The following NEDD4 variants were observed in gnomAD, a reference collection of about 807,000 sequenced individuals.
NEDD4 encodes the protein NEDD4 E3 ubiquitin protein ligase, also known as E3 ubiquitin-protein ligase NEDD4.
Under a neutral mutation model 144.9 loss-of-function variants are expected in NEDD4, and 99 were observed. That is an observed-to-expected ratio of 0.68 (90% confidence interval 0.58 to 0.81). The LOEUF (loss-of-function observed/expected upper bound fraction) is 0.81, where lower values mean the gene tolerates loss of function less well. Ranked by LOEUF, NEDD4 falls within the 30% of genes least tolerant of loss-of-function variation. The probability of loss-of-function intolerance (pLI) is 0.00; values close to 1 mark genes in which losing one functional copy is unlikely to be tolerated. For synonymous variants in NEDD4, 318 were observed against 350.6 expected, an observed-to-expected ratio of 0.91 and a Z score of 1.04; for missense variants, 985 against 1,065.9, an observed-to-expected ratio of 0.92 and a Z score of 1.06.
At chr15:55,884,657 T>C (rs1566932024) in intron 5 of NEDD4, among the ~76,000 whole-genome samples, 1 of 151,930 alleles carries the variant, frequency 6.6e-6, no homozygotes, top group Non-Finnish European at 1.5e-5. Flanking sequence ...GCAACTGATA[T>C]ATTGAGTAAT....
At chr15:55,941,310 T>A (rs1410918328) in intron 4 of NEDD4, among the ~76,000 whole-genome samples, 6 of 152,208 alleles carry the variant, frequency 3.9e-5, no homozygotes, top group African/African-American at 1.4e-4. Flanking sequence ...TTTGAATATT[T>A]CTTCATTTAT....
intron 13 of NEDD4, among the ~76,000 whole-genome samples, chr15:55,851,665 T>C (rs551886427): frequency 4.1e-4 from 63 of 152,016 alleles, no homozygotes; most frequent in Middle Eastern, 3.4e-3. Context: ...TTGGTAGAGA[T>C]GGGGTTTCTC....
chr15:55,841,142 C>T (rs1202260638), intron 19 of NEDD4, among the ~76,000 whole-genome samples: 1 of 152,184 alleles, frequency 6.6e-6, no homozygotes, highest in African/African-American at 2.4e-5. Context: ...CTATGTTGGT[C>T]AGGCTGGTCT....
At chr15:55,966,819 T>C (rs528460893) in intron 1 of NEDD4, among the ~76,000 whole-genome samples, 1 of 152,316 alleles carries the variant, frequency 6.6e-6, no homozygotes, top group African/African-American at 2.4e-5. Context: ...AAAGCCAAAG[T>C]ATTGCAACTA....
intron 1 of NEDD4, among the ~76,000 whole-genome samples, chr15:55,979,336 CCTCTTTTT>C (rs1439309849): frequency 1.7e-4 from 13 of 76,336 alleles, no homozygotes; most frequent in Non-Finnish European, 2.2e-4. Context: ...AAAGTTTTTA[CCTCTTTTT>C]TTTTTTTTTT....
chr15:55,918,113 T>C (rs1409899577), intron 5 of NEDD4, among the ~76,000 whole-genome samples: 3 of 152,160 alleles, frequency 2.0e-5, no homozygotes, highest in Admixed American at 2.0e-4. Context: ...ACGAAGTACA[T>C]ACTTGTTTAC....
chr15:55,941,492 T>C (rs1450148413), intron 4 of NEDD4, among the ~76,000 whole-genome samples: 1 of 152,176 alleles, frequency 6.6e-6, no homozygotes, highest in African/African-American at 2.4e-5. Flanking sequence ...TTCTAAACAT[T>C]TGTGATATAC....
intron 4 of NEDD4, among the ~76,000 whole-genome samples, chr15:55,940,449 C>T (rs1050024367): frequency 7.0e-6 from 1 of 143,066 alleles, no homozygotes; most frequent in Non-Finnish European, 1.6e-5. Context: ...TTATTTTTCT[C>T]ATTAACATCT....
intron 1 of NEDD4, among the ~76,000 whole-genome samples, chr15:55,986,580 C>CT (rs58470215): frequency 0.025 from 1,925 of 76,216 alleles, 13 homozygotes; most frequent in African/African-American, 0.046. Flanking sequence ...CCTGTCCTTG[C>CT]TTTTTTTTTT....
At chr15:55,893,371 G>A (rs1566936748) in intron 5 of NEDD4, among the ~76,000 whole-genome samples, 1 of 151,852 alleles carries the variant, frequency 6.6e-6, no homozygotes, top group Non-Finnish European at 1.5e-5. Context: ...CCATAAAAAT[G>A]TTCAAGCCGT....
rs1457611846 is a variant in NEDD4, at chr15:55,954,593, C to T, written c.120-3004G>A. Among the ~76,000 whole-genome samples, 5 of 152,030 alleles carry T rather than the reference C, an allele frequency of 3.3e-5. No individual in the cohort carries two copies. In the South Asian group the frequency reaches 6.2e-4, roughly 19 times the overall value. ...AGGCTGGAATGCAATGGCGCGATCT[C>T]GGCTCACCGCAACCTCCGCCTCCCA... On this transcript the variant is annotated intron_variant, in intron 2 of 28. Coordinates refer to ENST00000435532, the MANE Select transcript of NEDD4 (RefSeq NM_006154.4).
Position 55,947,867 on chromosome 15 carries a change from A to AAGCATT in NEDD4, c.237+3503_237+3508dup, listed in dbSNP as rs1442753581. ...ATCATACTGAATGGGCAAAAACTGG[A>AAGCATT]AGCATTCCCTTTGAAAACTGGCACA... On this transcript the variant is annotated intron_variant, in intron 4 of 28. Transcript: ENST00000435532. Among the ~76,000 whole-genome samples the AAGCATT allele has an allele frequency of 1.9e-4, 29 of 152,338 alleles. No individual in the cohort carries two copies. In the South Asian group the frequency reaches 3.1e-3, roughly 16 times the overall value.
At chr15:55,983,305 C>CGCGT (rs1484596550) in intron 1 of NEDD4, among the ~76,000 whole-genome samples, 10 of 151,726 alleles carry the variant, frequency 6.6e-5, no homozygotes, top group Admixed American at 6.6e-5. Flanking sequence ...TGTGTGCGTG[C>CGCGT]GCGCGCGTGC....
At chr15:55,918,043 C>A (rs1299785637) in intron 5 of NEDD4, among the ~76,000 whole-genome samples, 1 of 152,084 alleles carries the variant, frequency 6.6e-6, no homozygotes, top group Non-Finnish European at 1.5e-5. Flanking sequence ...TGAAACAATC[C>A]ATTTAGCTGT....
intron 9 of NEDD4, among the ~76,000 whole-genome samples, chr15:55,862,075 CTG>C (rs2034428641): frequency 6.6e-6 from 1 of 152,180 alleles, no homozygotes; most frequent in South Asian, 2.1e-4. Flanking sequence ...GCTTTGCAGT[CTG>C]TACGTCACTC....
rs137961192 is a variant in NEDD4, at chr15:55,885,439, C to T, written c.292-11431G>A. 1.3e-3 allele frequency among the ~76,000 whole-genome samples: 196 copies of T among 152,094 alleles called. 1 individual carries two copies. Among genetic ancestry groups the T allele is most frequent in the African/African-American group, 4.6e-3 (193 of 41,508 alleles). ...CTGTAATTGTGGTGTGCTAACTACT[C>T]ATATGTTAAGTAGAAAGACTAAAAG... On this transcript the variant is annotated intron_variant, in intron 5 of 28. Coordinates refer to ENST00000435532, the MANE Select transcript of NEDD4 (RefSeq NM_006154.4).
At chr15:55,924,789 C>G (rs567136091) in intron 4 of NEDD4, 90 bp from the exon 5 acceptor site, 42 of 1,325,786 alleles carry the variant, frequency 3.2e-5, no homozygotes, top group Middle Eastern at 2.5e-4. Context: ...GCCATTTGGT[C>G]GGGCATGGTG....
chr15:55,990,031 A>AG (rs2037963898), intron 1 of NEDD4, among the ~76,000 whole-genome samples: 2 of 151,948 alleles, frequency 1.3e-5, no homozygotes, highest in Non-Finnish European at 2.9e-5. Flanking sequence ...ACCCCTTATA[A>AG]GAATCTAATG....
intron 5 of NEDD4, chr15:55,915,828 G>GGGGTACAAATTGTTCTCCGT (rs1566949649): frequency 4.3e-6 from 7 of 1,613,638 alleles, no homozygotes; most frequent in Non-Finnish European, 5.9e-6. Context: ...TACTTCTCCG[G>GGGGTACAAATTGTTCTCCGT]GGGTACAAAT....
Sources: gnomAD v4.1 joint callset for allele counts (sites outside exome capture counted in the v4.1 genomes callset) on GRCh38, gnomAD v4.1.1 for gene constraint, MANE v1.5 for transcripts, NCBI Gene and HGNC (gene_info 2026-07-23, HGNC 2026-07-21) for gene names.